Variants in OSMR observed in about 807,000 individuals in gnomAD.
OSMR encodes the protein oncostatin-M-specific receptor subunit beta.
In OSMR, 81 loss-of-function variants were observed where a neutral mutation model predicts 99.9. The ratio of observed to expected loss-of-function variants is 0.81; its 90% CI spans 0.68 to 0.97. The LOEUF is 0.97. Ranked by LOEUF, OSMR falls within the 50% of genes least tolerant of loss-of-function variation. The probability of loss-of-function intolerance (pLI) is 0.00; values close to 1 mark genes in which losing one functional copy is unlikely to be tolerated. For missense variants in OSMR, 1,099 were observed against 1,153.4 expected, an observed-to-expected ratio of 0.95 and a Z score of 0.68; for synonymous variants, 406 against 410.4, an observed-to-expected ratio of 0.99 and a Z score of 0.13.
chr5:38,885,551 A>C, intron 6 of OSMR, 67 bp downstream of exon 6: 7 of 1,578,908 alleles, frequency 4.4e-6, no homozygotes, highest in Non-Finnish European at 6.1e-6. Context: ...ACAACATGGC[A>C]AAAATCTACA....
chr5:38,925,071 T>C (rs2112668723), intron 14 of OSMR, 133 bp from the exon 15 acceptor site: 1 of 1,503,780 alleles, frequency 6.6e-7, no homozygotes, highest in South Asian at 1.3e-5. Context: ...GATTTGATTT[T>C]TGTTTGGTAT....
intron 1 of OSMR, among the ~76,000 whole-genome samples, chr5:38,864,561 T>TTGC (rs1741783846): frequency 1.3e-5 from 2 of 149,838 alleles, no homozygotes; most frequent in Non-Finnish European, 3.0e-5. Context: ...TTTCTTTTAG[T>TTGC]ACTTAGAATA....
At chr5:38,937,794 A>G (rs1174514090), downstream of OSMR, 14 of 167,090 alleles carry the variant, frequency 8.4e-5, no homozygotes, top group Admixed American at 8.9e-4. This position sits in a 1 kb window ranked among gnomAD's most constrained non-coding sequence, Gnocchi z 4.0. Context: ...GCCACTCTAC[A>G]TGTCTGTGGT....
intron 6 of OSMR, 116 bp downstream of exon 6, chr5:38,885,600 C>T (rs1036379707): frequency 1.1e-5 from 15 of 1,354,506 alleles, no homozygotes; most frequent in Middle Eastern, 1.8e-4. Flanking sequence ...TATTTCAGAA[C>T]CACCTGCCAA....
chr5:38,883,759 G>A, intron 4 of OSMR, 68 bp from the exon 5 acceptor site: 1 of 1,610,204 alleles, frequency 6.2e-7, no homozygotes, highest in Non-Finnish European at 8.5e-7. Context: ...GAAGGCAAAT[G>A]GATAACTTGT....
rs1346175126 is a variant in OSMR, at chr5:38,918,884, T to G, written c.1407T>G (p.Asn469Lys). 1 of 1,613,912 alleles carries G rather than the reference T, an allele frequency of 6.2e-7. No homozygotes were observed. The highest frequency in any genetic ancestry group is 1.1e-5 in the South Asian group (1 of 91,086). Residue 469 changes from asparagine (N) to lysine (K), a missense_variant, in exon 11 of 18, where the codon AAT (asparagine) becomes AAG (lysine). Physicochemically the swap from Asn to Lys is moderately conservative, Grantham distance 94. Transcript: ENST00000274276. Reference sequence around the variant, plus strand: ...CCAATGGAAAGATCCTGTTCTATAATGTAGTTGTAGAAAACCTAGACAAAC... The same window carrying G: ...CCAATGGAAAGATCCTGTTCTATAAGGTAGTTGTAGAAAACCTAGACAAAC... The part of the protein sequence containing the change: ...LHANGKILFY[N>K]VVVENLDKPS...
intron 1 of OSMR, among the ~76,000 whole-genome samples, chr5:38,853,910 T>C (rs979356646): frequency 1.3e-5 from 2 of 152,178 alleles, no homozygotes; most frequent in Non-Finnish European, 2.9e-5. Flanking sequence ...AAGCTTCCCA[T>C]GGCTGTAGCT....
intron 7 of OSMR, 33 bp from the exon 8 acceptor site, chr5:38,903,849 A>C: frequency 6.3e-7 from 1 of 1,594,746 alleles, no homozygotes; most frequent in Non-Finnish European, 8.6e-7. Flanking sequence ...TCTATGCTTG[A>C]ATTTTTTTGT....
At chr5:38,902,887 C>T (rs778098095) in intron 7 of OSMR, among the ~76,000 whole-genome samples, 2 of 152,140 alleles carry the variant, frequency 1.3e-5, no homozygotes, top group African/African-American at 4.8e-5. Context: ...GTGCACTAAG[C>T]TCCCCTGTTT....
chr5:38,866,500 G>C (rs1436840002), intron 1 of OSMR, among the ~76,000 whole-genome samples: 2 of 152,160 alleles, frequency 1.3e-5, no homozygotes, highest in Non-Finnish European at 2.9e-5. Context: ...CCAGTGTGCT[G>C]CACCAGTTGT....
intron 7 of OSMR, 38 bp from the exon 8 acceptor site, chr5:38,903,844 G>T: frequency 6.3e-7 from 1 of 1,590,472 alleles, no homozygotes. Flanking sequence ...TTGGATCTAT[G>T]CTTGAATTTT....
At chr5:38,854,960 G>C (rs910321010) in intron 1 of OSMR, among the ~76,000 whole-genome samples, 4 of 152,188 alleles carry the variant, frequency 2.6e-5, no homozygotes, top group African/African-American at 9.7e-5. Context: ...ACTGACAGTA[G>C]TCGAGAGAGA....
intron 1 of OSMR, among the ~76,000 whole-genome samples, chr5:38,855,689 C>A (rs1435363819): frequency 2.7e-5 from 4 of 150,464 alleles, no homozygotes; most frequent in Non-Finnish European, 4.4e-5. Context: ...ATTGCACTAA[C>A]CCCCCCAACC....
At chr5:38,874,989 A>G (rs1742697463) in intron 2 of OSMR, among the ~76,000 whole-genome samples, 1 of 152,174 alleles carries the variant, frequency 6.6e-6, no homozygotes, top group East Asian at 1.9e-4. Flanking sequence ...CAATTTGGGG[A>G]CATTTTTTCA....
chr5:38,904,581 G>C, intron 9 of OSMR, 78 bp downstream of exon 9: 1 of 1,573,770 alleles, frequency 6.4e-7, no homozygotes, highest in Non-Finnish European at 8.7e-7. Context: ...GATTTTGGTT[G>C]TACCAAAAAC....
At position 38,934,983 on chromosome 5, in the gene OSMR, G is replaced by C. The variant is rs1746949189; in HGVS notation, c.*1539G>C. 1 of 151,878 alleles carries C rather than the reference G, an allele frequency of 6.6e-6. No individual in the cohort carries two copies. The highest frequency in any genetic ancestry group is 2.1e-4 in the South Asian group (1 of 4,802). 9.4% of individuals were successfully genotyped at this position (151,878 alleles called of 1,614,324 possible). Reference sequence around the variant, plus strand: ...CCTGAGTAGCTGGGATTACAGGCATGCACCACCACACCCAGGTAATTTTGT... The same window carrying C: ...CCTGAGTAGCTGGGATTACAGGCATCCACCACCACACCCAGGTAATTTTGT... On this transcript the variant is annotated 3_prime_UTR_variant, in exon 18 of 18. Coordinates refer to ENST00000274276, the MANE Select transcript of OSMR (RefSeq NM_003999.3).
intron 1 of OSMR, among the ~76,000 whole-genome samples, chr5:38,867,756 G>A (rs1350168406): frequency 6.6e-6 from 1 of 152,164 alleles, no homozygotes; most frequent in Non-Finnish European, 1.5e-5. Flanking sequence ...TGCTAACCTA[G>A]GTTAAATTTT....
At chr5:38,862,983 G>C (rs541820047) in intron 1 of OSMR, among the ~76,000 whole-genome samples, 71 of 152,152 alleles carry the variant, frequency 4.7e-4, no homozygotes, top group African/African-American at 1.6e-3. Context: ...CCAACACAGC[G>C]AAACCCTGTC....
chr5:38,895,959 T>A (rs1163633407), intron 7 of OSMR, among the ~76,000 whole-genome samples: 1 of 152,064 alleles, frequency 6.6e-6, no homozygotes, highest in African/African-American at 2.4e-5. Context: ...ATAAGTTTAC[T>A]GTAGATGTTT....
Sources: allele counts gnomAD v4.1 joint callset (sites outside exome capture counted in the v4.1 genomes callset), GRCh38; gene constraint gnomAD v4.1.1; non-coding constraint Gnocchi (gnomAD v3.1); transcripts MANE v1.5; gene names NCBI Gene and HGNC (gene_info 2026-07-23, HGNC 2026-07-21).